Variants in NRXN1 observed in about 807,000 individuals in gnomAD.
NRXN1 encodes the protein neurexin 1, also known as neurexin-1.
In NRXN1, 39 loss-of-function variants were observed where a neutral mutation model predicts 150.9. The ratio of observed to expected loss-of-function variants is 0.26; its 90% CI spans 0.20 to 0.34. The LOEUF (loss-of-function observed/expected upper bound fraction) is 0.34, where lower values mean the gene tolerates loss of function less well. NRXN1 is among the 10% of genes least tolerant of loss of function. NRXN1 has a pLI of 1.00. For synonymous variants in NRXN1, 924 were observed against 757.0 expected (o/e 1.22, Z -3.62); for missense variants, 1,815 against 1,949.9 (o/e 0.93, Z 1.30).
At chr2:50,893,313 C>A (rs112201822) in intron 5 of NRXN1, among the ~76,000 whole-genome samples, 42 of 152,152 alleles carry the variant, frequency 2.8e-4, no homozygotes, top group African/African-American at 9.6e-4. Context: ...TGACTAATGC[C>A]ACAAAAGGAC....
At chr2:50,252,109 A>G (rs2067152732) in intron 17 of NRXN1, among the ~76,000 whole-genome samples, 1 of 148,120 alleles carries the variant, frequency 6.8e-6, no homozygotes. Context: ...ATCTTTACCT[A>G]TGCCTATGTC....
At chr2:50,072,530 T>TA (rs11397509) in intron 19 of NRXN1, among the ~76,000 whole-genome samples, 83,489 of 138,254 alleles carry the variant, frequency 0.6, 24,615 homozygotes, top group Middle Eastern at 0.68. Flanking sequence ...CTAAGAAATT[T>TA]AAAAAAAAAA....
chr2:50,468,806 GTA>G (rs1189476644), intron 16 of NRXN1, among the ~76,000 whole-genome samples: 1 of 151,384 alleles, frequency 6.6e-6, no homozygotes, highest in African/African-American at 2.4e-5. Flanking sequence ...GATACCTATT[GTA>G]TAGAGTCTTG....
At chr2:50,586,374 G>T (rs892855996) in intron 8 of NRXN1, among the ~76,000 whole-genome samples, 1 of 152,012 alleles carries the variant, frequency 6.6e-6, no homozygotes, top group Non-Finnish European at 1.5e-5. Context: ...AACAGCCACA[G>T]ATAAATTATA....
At chr2:50,490,842 C>T (rs140809812) in intron 15 of NRXN1, among the ~76,000 whole-genome samples, 78 of 152,294 alleles carry the variant, frequency 5.1e-4, no homozygotes, top group African/African-American at 1.8e-3. Flanking sequence ...TGTGAGGCCT[C>T]ATTGCTCAAC....
At chr2:50,407,800 C>T (rs1423214530) in intron 17 of NRXN1, among the ~76,000 whole-genome samples, 1 of 152,096 alleles carries the variant, frequency 6.6e-6, no homozygotes, top group Non-Finnish European at 1.5e-5. Context: ...AATTCTCAGC[C>T]TCCACAACGG....
chr2:50,321,690 G>A (rs971549506), intron 17 of NRXN1, among the ~76,000 whole-genome samples: 3 of 151,964 alleles, frequency 2.0e-5, no homozygotes, highest in Admixed American at 6.6e-5. Flanking sequence ...TTAAATTGGG[G>A]AAAATGACAA....
chr2:50,172,944 G>A lies in NRXN1; in HGVS notation c.3546+63845C>T, dbSNP rs369906783. On this transcript the variant is annotated intron_variant, in intron 18 of 22. Transcript: ENST00000401669. ...ATTGTGCCACTGCACTCCAGCCTGG[G>A]CAACAGAGGGAGACTCCGTCTCAAA... Among the ~76,000 whole-genome samples, 444 of 152,204 alleles carry A rather than the reference G, an allele frequency of 2.9e-3. 2 individuals are homozygous for A. Among genetic ancestry groups the A allele is most frequent in the African/African-American group, 0.01 (423 of 41,540 alleles).
At chr2:50,058,839 CATGA>C (rs1558787998) in intron 19 of NRXN1, among the ~76,000 whole-genome samples, 4 of 152,190 alleles carry the variant, frequency 2.6e-5, no homozygotes, top group Non-Finnish European at 4.4e-5. Context: ...CCAAGTAAGA[CATGA>C]CTTTGCTCCT....
intron 8 of NRXN1, among the ~76,000 whole-genome samples, chr2:50,607,928 C>A (rs113305552): frequency 2.6e-5 from 4 of 151,952 alleles, no homozygotes; most frequent in Non-Finnish European, 1.5e-5. Context: ...GGGATTATCC[C>A]TATAAGAGTC....
At position 50,347,328 on chromosome 2, in the gene NRXN1, GT is replaced by G. The variant is rs1215507601; in HGVS notation, c.3365-110359del. 9 of 1,249,740 alleles carry G rather than the reference GT, an allele frequency of 7.2e-6. No homozygotes were observed. The East Asian group carries it at 4.6e-4, about 64-fold the overall frequency. 77.4% of individuals were successfully genotyped at this position (1,249,740 alleles called of 1,614,324 possible). On this transcript the variant is annotated intron_variant, in intron 17 of 22. Coordinates refer to ENST00000401669, the MANE Select transcript of NRXN1 (RefSeq NM_001330078.2). The surrounding 1 kb of genome is among the most constrained non-coding windows in gnomAD (Gnocchi z 4.9). The stretch of plus-strand genomic sequence containing the variant: ...CCGGCGGGTGGGGGGCCGAGAAATT[GT>G]TTAAAGCTCCTCCTGGAAGGTCCTC...
intron 17 of NRXN1, among the ~76,000 whole-genome samples, chr2:50,436,230 G>C (rs2104412909): frequency 6.6e-6 from 1 of 152,286 alleles, no homozygotes; most frequent in Non-Finnish European, 1.5e-5. Context: ...GAGGCAGGCA[G>C]ATCACCAGAG....
intron 17 of NRXN1, among the ~76,000 whole-genome samples, chr2:50,334,601 A>G (rs1485444220): frequency 6.6e-6 from 1 of 152,084 alleles, no homozygotes; most frequent in Non-Finnish European, 1.5e-5. Context: ...AATGGCAGGC[A>G]CTCCATCACA....
chr2:49,987,760 T>A (rs1205252576), intron 21 of NRXN1, among the ~76,000 whole-genome samples: 2 of 38,530 alleles, frequency 5.2e-5, no homozygotes, highest in Non-Finnish European at 1.5e-4. Flanking sequence ...TGAAACAACG[T>A]TTTTTTTTTT....
At chr2:50,826,686 A>G (rs1036141239) in intron 5 of NRXN1, among the ~76,000 whole-genome samples, 1 of 152,184 alleles carries the variant, frequency 6.6e-6, no homozygotes, top group Non-Finnish European at 1.5e-5. Flanking sequence ...TATACTAATG[A>G]TATCTATTGA....
At chr2:49,992,955 T>C (rs567490541) in intron 21 of NRXN1, among the ~76,000 whole-genome samples, 48 of 152,348 alleles carry the variant, frequency 3.2e-4, no homozygotes, top group African/African-American at 1.0e-3. Flanking sequence ...CATTCATTGC[T>C]AGTAGAAACG....
intron 5 of NRXN1, among the ~76,000 whole-genome samples, chr2:50,734,263 A>C (rs747196699): frequency 1.3e-5 from 2 of 152,098 alleles, no homozygotes; most frequent in African/African-American, 4.8e-5. Flanking sequence ...TTTCAAGCAA[A>C]TTTCTTAGTT....
intron 19 of NRXN1, among the ~76,000 whole-genome samples, chr2:50,084,673 G>A (rs1434109404): frequency 1.3e-5 from 2 of 152,208 alleles, no homozygotes; most frequent in Admixed American, 6.5e-5. Context: ...GTGGCAGGCT[G>A]AAGGGCTCCT....
chr2:50,935,837 G>A (rs191986129), intron 2 of NRXN1, among the ~76,000 whole-genome samples: 2 of 152,148 alleles, frequency 1.3e-5, no homozygotes, highest in Non-Finnish European at 2.9e-5. Flanking sequence ...TGTCAAGAAT[G>A]AGTAAGATGT....
Sources: gnomAD v4.1 joint callset for allele counts (sites outside exome capture counted in the v4.1 genomes callset) on GRCh38, gnomAD v4.1.1 for gene constraint, Gnocchi (gnomAD v3.1) non-coding constraint, MANE v1.5 for transcripts, NCBI Gene and HGNC (gene_info 2026-07-23, HGNC 2026-07-21) for gene names.